Variants in GPHN observed in about 807,000 individuals in gnomAD.
GPHN encodes gephyrin.
In GPHN, 17 loss-of-function variants were observed where a neutral mutation model predicts 95.5. That is an observed-to-expected ratio of 0.18 (90% CI 0.12 to 0.27). GPHN has a LOEUF of 0.27. Among genes scored for constraint, GPHN ranks in the 10% least tolerant of loss-of-function variants. GPHN has a pLI of 1.00. For missense variants in GPHN, 660 were observed against 978.1 expected, an observed-to-expected ratio of 0.67 and a Z score of 4.34; for synonymous variants, 320 against 322.5, an observed-to-expected ratio of 0.99 and a Z score of 0.08.
the GPHN span, among the ~76,000 whole-genome samples, chr14:67,492,419 C>T: frequency 6.6e-6 from 1 of 152,222 alleles, no homozygotes. Flanking sequence ...CACATGAGAC[C>T]AGCAAGCCTT....
chr14:67,517,939 G>A, the GPHN span, among the ~76,000 whole-genome samples: 5 of 152,214 alleles, frequency 3.3e-5, no homozygotes, highest in African/African-American at 1.2e-4. Flanking sequence ...GGTGCACAGG[G>A]TAGAGCAGTC....
the GPHN span, among the ~76,000 whole-genome samples, chr14:67,366,130 T>G: frequency 6.6e-6 from 1 of 151,800 alleles, no homozygotes; most frequent in East Asian, 1.9e-4. Context: ...TCACCCAGGC[T>G]GCAGTGTAGT....
At chr14:67,361,259 GAA>G in the GPHN span, among the ~76,000 whole-genome samples, 1 of 152,168 alleles carries the variant, frequency 6.6e-6, no homozygotes, top group Non-Finnish European at 1.5e-5. Flanking sequence ...GTATAGCAGA[GAA>G]GTCTTTATTT....
At chr14:67,002,512 G>A (rs977753813) in intron 9 of GPHN, among the ~76,000 whole-genome samples, 1 of 150,918 alleles carries the variant, frequency 6.6e-6, no homozygotes, top group Non-Finnish European at 1.5e-5. Flanking sequence ...CATTTTGTCG[G>A]TTTTCTTGTA....
intron 2 of GPHN, among the ~76,000 whole-genome samples, chr14:66,769,818 C>T (rs779748098): frequency 2.0e-5 from 3 of 151,908 alleles, no homozygotes; most frequent in Non-Finnish European, 4.4e-5. Context: ...TATGATATAA[C>T]GATTTATATT....
chr14:67,569,481 C>A, the GPHN span, among the ~76,000 whole-genome samples: 2 of 152,234 alleles, frequency 1.3e-5, no homozygotes, highest in African/African-American at 4.8e-5. Flanking sequence ...CCCAGCCTCC[C>A]ACCTGCACAG....
At chr14:67,393,043 C>T in the GPHN span, 2 of 969,042 alleles carry the variant, frequency 2.1e-6, no homozygotes, top group East Asian at 2.4e-5. Context: ...GCCTGTTGCC[C>T]AGCAGGCAGC....
At chr14:67,001,472 A>C (rs1443851234) in intron 9 of GPHN, among the ~76,000 whole-genome samples, 1 of 151,598 alleles carries the variant, frequency 6.6e-6, no homozygotes, top group Non-Finnish European at 1.5e-5. Flanking sequence ...TGTAATATCA[A>C]ACTCAGTATG....
the GPHN span, among the ~76,000 whole-genome samples, chr14:67,405,231 A>T: frequency 6.6e-6 from 1 of 151,720 alleles, no homozygotes; most frequent in African/African-American, 2.4e-5. Flanking sequence ...TCTCAAAAAA[A>T]AAAAAAAAAA....
chr14:67,694,374 A>C, the GPHN span, among the ~76,000 whole-genome samples: 1 of 151,720 alleles, frequency 6.6e-6, no homozygotes, highest in African/African-American at 2.4e-5. Flanking sequence ...ACAACTATAA[A>C]AGTCCAGCTC....
intron 1 of GPHN, among the ~76,000 whole-genome samples, chr14:66,606,433 G>A (rs1254244519): frequency 1.3e-5 from 2 of 151,722 alleles, no homozygotes; most frequent in African/African-American, 4.8e-5. Flanking sequence ...TGTTCTTTTT[G>A]CTTAGTATTG....
At chr14:67,656,627 C>T in the GPHN span, 1 of 1,566,340 alleles carries the variant, frequency 6.4e-7, no homozygotes, top group Non-Finnish European at 8.7e-7. Context: ...AGACTTTTTC[C>T]ATTATAAATT....
At chr14:66,688,491 T>A (rs1053054753) in intron 2 of GPHN, among the ~76,000 whole-genome samples, 1 of 152,252 alleles carries the variant, frequency 6.6e-6, no homozygotes, top group Non-Finnish European at 1.5e-5. Context: ...AGTTTCTTTT[T>A]CCACTAGTTT....
At chr14:66,673,981 C>A (rs1268455397) in intron 1 of GPHN, among the ~76,000 whole-genome samples, 1 of 152,106 alleles carries the variant, frequency 6.6e-6, no homozygotes, top group African/African-American at 2.4e-5. Context: ...CTTAACAATT[C>A]TTTTTACTGT....
the GPHN span, among the ~76,000 whole-genome samples, chr14:67,719,959 G>A: frequency 5.3e-5 from 8 of 152,280 alleles, no homozygotes; most frequent in South Asian, 2.1e-4. Flanking sequence ...CATGGAAGTC[G>A]AATGTTTAGG....
the GPHN span, among the ~76,000 whole-genome samples, chr14:67,517,457 G>A: frequency 6.6e-6 from 1 of 152,056 alleles, no homozygotes; most frequent in Non-Finnish European, 1.5e-5. Flanking sequence ...AAACTCAGAG[G>A]CAAAAAATAA....
At chr14:67,533,897 G>A in the GPHN span, among the ~76,000 whole-genome samples, 2 of 152,108 alleles carry the variant, frequency 1.3e-5, no homozygotes, top group African/African-American at 4.8e-5. Context: ...TTGTGTCCTA[G>A]GAGTCTTAGC....
the GPHN span, chr14:67,573,670 C>T: frequency 1.4e-6 from 1 of 716,512 alleles, no homozygotes; most frequent in Non-Finnish European, 2.5e-6. This position sits in a 1 kb window ranked among gnomAD's most constrained non-coding sequence, Gnocchi z 4.8. Flanking sequence ...AGTCACCCAT[C>T]ATAACACAGC....
At chr14:67,463,509 C>A in the GPHN span, among the ~76,000 whole-genome samples, 1 of 151,896 alleles carries the variant, frequency 6.6e-6, no homozygotes, top group Non-Finnish European at 1.5e-5. Context: ...CGTGGCGGCA[C>A]GCGCCTGTAG....
Sources: allele counts gnomAD v4.1 joint callset (sites outside exome capture counted in the v4.1 genomes callset), GRCh38; gene constraint gnomAD v4.1.1; non-coding constraint Gnocchi (gnomAD v3.1); transcripts MANE v1.5; gene names NCBI Gene and HGNC (gene_info 2026-07-23, HGNC 2026-07-21).